The following PXMP2 variants were observed in gnomAD, a reference collection of about 807,000 sequenced individuals.
PXMP2 encodes peroxisomal membrane protein 2, also known as 22 kDa peroxisomal membrane protein.
PXMP2 carries 13 observed loss-of-function variants against 20.2 expected under a neutral mutation model. The observed-to-expected ratio is 0.64, with a 90% CI of 0.42 to 1.02. The LOEUF is 1.02. PXMP2 is among the 50% of genes least tolerant of loss of function. The pLI is 0.00. For missense variants in PXMP2, 284 were observed against 251.8 expected, an observed-to-expected ratio of 1.13 and a Z score of -0.87; for synonymous variants, 113 against 111.2, an observed-to-expected ratio of 1.02 and a Z score of -0.10.
chr12:132,687,695 CG>C lies in PXMP2; in HGVS notation c.28del (p.Ala10ProfsTer45). 1 of 1,186,956 alleles carries C rather than the reference CG, an allele frequency of 8.4e-7. No homozygotes were observed. 73.5% of individuals were successfully genotyped at this position (1,186,956 alleles called of 1,614,324 possible). A position where few individuals can be genotyped will look rare whatever the true frequency, so the allele number is the denominator to read the frequency against. MAPAASRL[R>X]AEAGLGALPR... The stretch of plus-strand genomic sequence containing the variant: ...GATGGCGCCGGCCGCGTCCAGGCTG[CG>C]GGCCGAAGCCGGGCTCGGGGCGCTG... On this transcript the variant is annotated frameshift_variant, in exon 1 of 5. Coordinates refer to ENST00000317479, the MANE Select transcript of PXMP2 (RefSeq NM_018663.3). LOFTEE classifies it high-confidence loss of function.
intron 2 of PXMP2, among the ~76,000 whole-genome samples, chr12:132,691,033 G>GT (rs1279040115): frequency 6.7e-5 from 10 of 149,880 alleles, no homozygotes; most frequent in Non-Finnish European, 1.5e-4. Context: ...TGACCAGTTA[G>GT]TTTCTATTGT....
intron 3 of PXMP2, among the ~76,000 whole-genome samples, chr12:132,699,526 CTTTTTT>C (rs67730658): frequency 9.9e-6 from 1 of 100,518 alleles, no homozygotes; most frequent in Non-Finnish European, 2.0e-5. Context: ...AAAAGACATG[CTTTTTT>C]TTTTTTTTTT....
chr12:132,699,444 G>A (rs776657286), intron 3 of PXMP2, among the ~76,000 whole-genome samples: 10 of 151,668 alleles, frequency 6.6e-5, no homozygotes, highest in Non-Finnish European at 1.5e-4. Context: ...GTGAGAACAT[G>A]CAGTGTTTGA....
At chr12:132,687,820 C>T in intron 1 of PXMP2, 28 bp downstream of exon 1, 1 of 1,129,838 alleles carries the variant, frequency 8.9e-7, no homozygotes, top group Non-Finnish European at 1.1e-6. Flanking sequence ...AATCGGACGC[C>T]GCCCCGGCCC....
At chr12:132,704,146 G>A (rs1295478536) in intron 4 of PXMP2, among the ~76,000 whole-genome samples, 1 of 152,188 alleles carries the variant, frequency 6.6e-6, no homozygotes, top group African/African-American at 2.4e-5. Flanking sequence ...ACTCAGCACT[G>A]GGCCAGAGGA....
rs949624384 is a variant in PXMP2 at position 132,696,025 on chromosome 12, C to T, written c.378C>T (p.Phe126=). Residue 126 remains phenylalanine (F), a synonymous_variant, in exon 3 of 5, where the codon TTC becomes TTT. Transcript: ENST00000317479. This position sits in a 1 kb window ranked among gnomAD's most constrained non-coding sequence, Gnocchi z 4.4. The stretch of plus-strand genomic sequence containing the variant: ...CACCGGCCTTCCTCATGTTGTTCTT[C>T]CTCATCATGAACTTTCTGGAGGTGG... ...VFAPAFLMLF[F]LIMNFLEGKD... 2 of 1,608,718 alleles carry T rather than the reference C, an allele frequency of 1.2e-6. No homozygotes were observed. The highest frequency in any genetic ancestry group is 1.7e-6 in the Non-Finnish European group (2 of 1,177,440).
At chr12:132,703,315 A>G (rs1012944736) in intron 4 of PXMP2, among the ~76,000 whole-genome samples, 1 of 152,182 alleles carries the variant, frequency 6.6e-6, no homozygotes, top group Non-Finnish European at 1.5e-5. Context: ...GTGAGAAGTG[A>G]TGGAAGAAGG....
At chr12:132,699,526 CTTTTTTTTTTTTT>C (rs67730658) in intron 3 of PXMP2, among the ~76,000 whole-genome samples, 2 of 100,522 alleles carry the variant, frequency 2.0e-5, no homozygotes, top group African/African-American at 7.9e-5. Context: ...AAAAGACATG[CTTTTTTTTTTTTT>C]TTTTTTTTTG....
intron 2 of PXMP2, among the ~76,000 whole-genome samples, chr12:132,694,835 T>TAGTG (rs1245131914): frequency 7.3e-6 from 1 of 137,734 alleles, no homozygotes; most frequent in African/African-American, 2.8e-5. Flanking sequence ...GCCAGTTAGT[T>TAGTG]AGCTCCCTTA....
At chr12:132,698,118 C>A (rs1309407427) in intron 3 of PXMP2, among the ~76,000 whole-genome samples, 1 of 150,860 alleles carries the variant, frequency 6.6e-6, no homozygotes, top group African/African-American at 2.4e-5. Context: ...TCAAGCAATT[C>A]TCTGCCTCAG....
chr12:132,694,252 AGCCAGTTAGTGAGCTCCCTT>A (rs1305372480), intron 2 of PXMP2, among the ~76,000 whole-genome samples: 20 of 96,558 alleles, frequency 2.1e-4, no homozygotes, highest in African/African-American at 6.9e-4. Context: ...GAGCTCCCTT[AGCCAGTTAGTGAGCTCCCTT>A]GCCAGTTAGT....
Position 132,695,930 on chromosome 12 carries a change from G to A in PXMP2, c.283G>A (p.Glu95Lys), listed in dbSNP as rs1402524508. The A allele has an allele frequency of 6.2e-7, 1 of 1,610,928 alleles. No homozygotes were observed. Among genetic ancestry groups the A allele is most frequent in the Non-Finnish European group, 8.5e-7 (1 of 1,178,636 alleles). The change falls in exon 3 of 5, where the codon GAA becomes AAA. Residue 95 changes from glutamate (E) to lysine (K), a missense_variant. Physicochemically the swap from Glu to Lys is moderately conservative, Grantham distance 56. Coordinates refer to ENST00000317479, the MANE Select transcript of PXMP2 (RefSeq NM_018663.3). ...PLSHFFYFFM[E>K]HWIPPEVPLA... The stretch of plus-strand genomic sequence containing the variant: ...GAGTCACTTCTTCTACTTCTTCATG[G>A]AACATTGGATCCCTCCTGAGGTCCC...
At chr12:132,700,128 G>A (rs1179267397) in intron 3 of PXMP2, among the ~76,000 whole-genome samples, 1 of 147,888 alleles carries the variant, frequency 6.8e-6, no homozygotes, top group Non-Finnish European at 1.5e-5. Context: ...CGCAACCTCC[G>A]CCTCCCGGGT....
chr12:132,693,408 CTTAG>C (rs1381307485), intron 2 of PXMP2, among the ~76,000 whole-genome samples: 2 of 25,752 alleles, frequency 7.8e-5, no homozygotes, highest in African/African-American at 1.3e-4. Flanking sequence ...AGTGAGCTCC[CTTAG>C]TTAGTTAGTG....
intron 2 of PXMP2, among the ~76,000 whole-genome samples, chr12:132,692,133 CAGTT>C (rs138711480): frequency 0.31 from 42,895 of 138,132 alleles, 4,717 homozygotes; most frequent in Middle Eastern, 0.39. Flanking sequence ...CTCCCTTAGC[CAGTT>C]AGTTAGTGAG....
In PXMP2 at chr12:132,692,333, G is replaced by T. The variant is rs532290166; in HGVS notation, c.236+1957G>T. Among the ~76,000 whole-genome samples the T allele has an allele frequency of 5.2e-5, 7 of 134,098 alleles. 1 individual carries two copies. Among genetic ancestry groups the T allele is most frequent in the African/African-American group, 1.7e-4 (6 of 36,182 alleles). The allele number at this position is 134,098 out of a possible 152,430, so 88.0% of individuals were successfully genotyped here. A position where few individuals can be genotyped will look rare whatever the true frequency, so the allele number is the denominator to read the frequency against. ...ATTAGTGAGCTCCCTTAGCCAGTTA[G>T]TTAGTGAGCGCCCTTAGCCAGTTAG... On this transcript the variant is annotated intron_variant, in intron 2 of 4. Coordinates refer to ENST00000317479, the MANE Select transcript of PXMP2 (RefSeq NM_018663.3).
intron 1 of PXMP2, among the ~76,000 whole-genome samples, chr12:132,689,493 G>C (rs2043354669): frequency 6.6e-6 from 1 of 152,180 alleles, no homozygotes; most frequent in Non-Finnish European, 1.5e-5. Flanking sequence ...AGTCCCGAGG[G>C]AGGGAAGATC....
intron 3 of PXMP2, among the ~76,000 whole-genome samples, chr12:132,698,303 C>T (rs2043421340): frequency 6.6e-6 from 1 of 152,222 alleles, no homozygotes; most frequent in Non-Finnish European, 1.5e-5. Context: ...AGCCACTGCA[C>T]CTGGCGTCAC....
chr12:132,699,705 T>C (rs893766190), intron 3 of PXMP2, among the ~76,000 whole-genome samples: 1 of 151,830 alleles, frequency 6.6e-6, no homozygotes, highest in African/African-American at 2.4e-5. Context: ...GAGTTCATTC[T>C]TTTTTTTATA....
Sources: allele counts gnomAD v4.1 joint callset (sites outside exome capture counted in the v4.1 genomes callset), GRCh38; gene constraint gnomAD v4.1.1; non-coding constraint Gnocchi (gnomAD v3.1); transcripts MANE v1.5; gene names NCBI Gene and HGNC (gene_info 2026-07-23, HGNC 2026-07-21).